Variants in VSTM2L observed in about 807,000 individuals in gnomAD.
VSTM2L encodes V-set and transmembrane domain-containing protein 2-like protein.
Under a neutral mutation model 19.9 loss-of-function variants are expected in VSTM2L, and 9 were observed. That is an observed-to-expected ratio of 0.45 (90% CI 0.27 to 0.79). VSTM2L has a LOEUF of 0.79. Ranked by LOEUF, VSTM2L falls within the 30% of genes least tolerant of loss-of-function variation. The pLI, the probability that VSTM2L is intolerant of heterozygous loss-of-function variation, is 0.15. For missense variants in VSTM2L, 286 were observed against 295.5 expected (o/e 0.97, Z 0.24); for synonymous variants, 127 against 133.8 (o/e 0.95, Z 0.35).
chr20:37,910,942 G>A lies in VSTM2L; in HGVS notation c.121+7471G>A, dbSNP rs573535457. On this transcript the variant is annotated intron_variant, in intron 1 of 3. Transcript: ENST00000373461. ...TTAAAAAAAAAAAAAAGAAAAAGAA[G>A]AAGAAGAAGAAGAATATATACGTAT... Among the ~76,000 whole-genome samples, 11 of 149,774 alleles carry A rather than the reference G, an allele frequency of 7.3e-5. No individual in the cohort carries two copies. The East Asian group carries it at 2.1e-3, about 29-fold the overall frequency.
intron 1 of VSTM2L, among the ~76,000 whole-genome samples, chr20:37,930,909 G>T (rs1472243405): frequency 2.6e-5 from 4 of 152,220 alleles, no homozygotes. Context: ...AGGCAACAGG[G>T]CAGGGCAGGA....
chr20:37,908,917 G>T (rs2072764871), intron 1 of VSTM2L, among the ~76,000 whole-genome samples: 1 of 152,216 alleles, frequency 6.6e-6, no homozygotes, highest in Admixed American at 6.5e-5. Flanking sequence ...ATTCTAACGA[G>T]AACTCCAAGA....
At chr20:37,914,623 CGGCTCCT>C (rs201781415) in intron 1 of VSTM2L, among the ~76,000 whole-genome samples, 2 of 152,106 alleles carry the variant, frequency 1.3e-5, no homozygotes, top group Admixed American at 1.3e-4. Flanking sequence ...TCCCGTCTCC[CGGCTCCT>C]GGCTCCCCTG....
chr20:37,932,102 G>A (rs1305734763), intron 2 of VSTM2L, among the ~76,000 whole-genome samples: 6 of 152,212 alleles, frequency 3.9e-5, no homozygotes, highest in African/African-American at 1.4e-4. Context: ...GGAAACTGAG[G>A]CCAGAGGGAC....
intron 1 of VSTM2L, among the ~76,000 whole-genome samples, chr20:37,923,518 C>T (rs1202171788): frequency 6.6e-6 from 1 of 152,212 alleles, no homozygotes; most frequent in East Asian, 1.9e-4. Flanking sequence ...TAATTGTCTT[C>T]CCAGCGAGCC....
chr20:37,939,459 A>C lies in VSTM2L; in HGVS notation c.343-4522A>C, dbSNP rs546266477. Among the ~76,000 whole-genome samples, 5 of 152,258 alleles carry C rather than the reference A, an allele frequency of 3.3e-5. No individual in the cohort carries two copies. In the East Asian group the frequency reaches 9.6e-4, roughly 29 times the overall value. On this transcript the variant is annotated intron_variant, in intron 3 of 3. Coordinates refer to ENST00000373461, the MANE Select transcript of VSTM2L (RefSeq NM_080607.3). ...AAAGAAAGAACGAAAGAAAGAAAGA[A>C]AGATTGATGAAACTTATCACATCAT... is the stretch of plus-strand genomic sequence containing the variant.
chr20:37,937,695 C>T (rs1378655949), intron 3 of VSTM2L, among the ~76,000 whole-genome samples: 1 of 152,232 alleles, frequency 6.6e-6, no homozygotes, highest in Non-Finnish European at 1.5e-5. Context: ...CTCACACATA[C>T]ACACTCCTGC....
intron 1 of VSTM2L, among the ~76,000 whole-genome samples, chr20:37,912,582 A>G (rs776611883): frequency 2.5e-4 from 38 of 152,176 alleles, no homozygotes; most frequent in Non-Finnish European, 1.8e-4. Context: ...GGGGCAGGTC[A>G]GGGCTGGGCT....
chr20:37,924,772 G>C (rs190383167), intron 1 of VSTM2L, among the ~76,000 whole-genome samples: 3 of 152,240 alleles, frequency 2.0e-5, no homozygotes, highest in East Asian at 3.9e-4. Flanking sequence ...TTAGGAGAGG[G>C]AGGAAGACCC....
At chr20:37,921,994 A>G (rs2072854544) in intron 1 of VSTM2L, among the ~76,000 whole-genome samples, 1 of 151,756 alleles carries the variant, frequency 6.6e-6, no homozygotes, top group Non-Finnish European at 1.5e-5. Flanking sequence ...TGCTGCAGTG[A>G]GCCCAGGGAA....
intron 1 of VSTM2L, among the ~76,000 whole-genome samples, chr20:37,918,489 C>T (rs138051681): frequency 4.6e-5 from 7 of 152,304 alleles, no homozygotes; most frequent in East Asian, 3.9e-4. Context: ...CTAGAATTTA[C>T]GAATGCTGTT....
intron 1 of VSTM2L, among the ~76,000 whole-genome samples, chr20:37,919,081 G>T (rs896101026): frequency 1.3e-5 from 2 of 152,198 alleles, no homozygotes; most frequent in African/African-American, 4.8e-5. Flanking sequence ...CTGATCTGTG[G>T]CATCCTGGGA....
chr20:37,933,465 C>T lies in VSTM2L; in HGVS notation c.292-74C>T, dbSNP rs189106087. ...TCCGTATCCCTATAATGTGTCTCCC[C>T]ACACTGCCACCCCACCCCCACCCTG... On this transcript the variant is annotated intron_variant, in intron 2 of 3. Transcript: ENST00000373461. 6.9e-3 allele frequency: 8,460 copies of T among 1,228,094 alleles called. 70 individuals are homozygous for T. Among genetic ancestry groups the T allele is most frequent in the Non-Finnish European group, 8.0e-3 (6,734 of 845,132 alleles). 76.1% of individuals were successfully genotyped at this position (1,228,094 alleles called of 1,614,324 possible).
intron 1 of VSTM2L, among the ~76,000 whole-genome samples, chr20:37,909,928 G>C (rs372284310): frequency 1.3e-5 from 2 of 152,142 alleles, no homozygotes; most frequent in African/African-American, 4.8e-5. Flanking sequence ...AGGTGGCAGT[G>C]GGGAGGCAGA....
chr20:37,906,479 G>A (rs1448990207), intron 1 of VSTM2L, among the ~76,000 whole-genome samples: 1 of 152,236 alleles, frequency 6.6e-6, no homozygotes, highest in African/African-American at 2.4e-5. Flanking sequence ...AGGAAAAGGT[G>A]CAAGCATTGA....
At chr20:37,919,064 C>T (rs1402963618) in intron 1 of VSTM2L, among the ~76,000 whole-genome samples, 3 of 152,170 alleles carry the variant, frequency 2.0e-5, no homozygotes, top group South Asian at 2.1e-4. Context: ...TCCCTGAGGG[C>T]AGGGGCCTGA....
At chr20:37,943,810 G>T (rs1051974654) in intron 3 of VSTM2L, among the ~76,000 whole-genome samples, 171 bp from the exon 4 acceptor site, 1 of 152,002 alleles carries the variant, frequency 6.6e-6, no homozygotes, top group Non-Finnish European at 1.5e-5. Flanking sequence ...CATGGCAGTT[G>T]CTTTTACTTT....
chr20:37,928,947 G>C (rs1441037725), intron 1 of VSTM2L, among the ~76,000 whole-genome samples: 1 of 152,190 alleles, frequency 6.6e-6, no homozygotes, highest in Non-Finnish European at 1.5e-5. Flanking sequence ...TTAAAATTCA[G>C]GTCCTCAGTC....
intron 1 of VSTM2L, among the ~76,000 whole-genome samples, chr20:37,911,342 T>C (rs2072778592): frequency 1.3e-5 from 2 of 151,692 alleles, no homozygotes; most frequent in South Asian, 4.2e-4. Flanking sequence ...GAGCTCCCTG[T>C]CACAGGAGGT....
Sources: gnomAD v4.1 joint callset for allele counts (sites outside exome capture counted in the v4.1 genomes callset) on GRCh38, gnomAD v4.1.1 for gene constraint, MANE v1.5 for transcripts, NCBI Gene and HGNC (gene_info 2026-07-23, HGNC 2026-07-21) for gene names.